The following TIAM2 variants were observed in gnomAD, a reference collection of about 807,000 sequenced individuals.
TIAM2 encodes rho guanine nucleotide exchange factor TIAM2.
A neutral mutation model predicts 152.9 loss-of-function variants in TIAM2; 80 were observed. The observed-to-expected ratio is 0.52, with a 90% CI of 0.44 to 0.63. The LOEUF (loss-of-function observed/expected upper bound fraction) is 0.63, where lower values mean the gene tolerates loss of function less well. Among genes scored for constraint, TIAM2 ranks in the 30% least tolerant of loss-of-function variants. The probability of loss-of-function intolerance (pLI) is 0.00; values close to 1 mark genes in which losing one functional copy is unlikely to be tolerated. For missense variants in TIAM2, 1,965 were observed against 2,120.1 expected (o/e 0.93, Z 1.44); for synonymous variants, 804 against 838.0 (o/e 0.96, Z 0.70).
intron 15 of TIAM2, among the ~76,000 whole-genome samples, chr6:155,220,943 T>A (rs1782020505): frequency 6.6e-6 from 1 of 151,854 alleles, no homozygotes. Flanking sequence ...CAGGCCCCGG[T>A]GTGTGATGTT....
chr6:155,009,365 G>A (rs940950249), intron 1 of TIAM2, among the ~76,000 whole-genome samples: 1 of 151,962 alleles, frequency 6.6e-6, no homozygotes, highest in Non-Finnish European at 1.5e-5. Context: ...GCCTCCCAAA[G>A]TTCTAGGATT....
At chr6:155,161,568 CTT>C (rs575970529) in intron 7 of TIAM2, among the ~76,000 whole-genome samples, 3 of 137,518 alleles carry the variant, frequency 2.2e-5, no homozygotes, top group Admixed American at 7.3e-5. Context: ...TTTATTTTGT[CTT>C]TTTTTTTTTT....
At chr6:155,053,844 C>T (rs1328014545) in intron 1 of TIAM2, among the ~76,000 whole-genome samples, 1 of 152,148 alleles carries the variant, frequency 6.6e-6, no homozygotes, top group Non-Finnish European at 1.5e-5. Context: ...TGCAAATAAC[C>T]TTGCCTGCTG....
chr6:155,144,474 C>T (rs747104637), intron 5 of TIAM2, 132 bp from the exon 6 acceptor site: 22 of 872,440 alleles, frequency 2.5e-5, no homozygotes, highest in African/African-American at 3.5e-5. Flanking sequence ...GCCACTTTTC[C>T]TTGTTTACCA....
intron 1 of TIAM2, among the ~76,000 whole-genome samples, chr6:155,067,485 A>C (rs922000759): frequency 6.6e-6 from 1 of 152,124 alleles, no homozygotes. Context: ...AGAAATCTGG[A>C]AAGTTCCCAC....
At chr6:155,045,357 C>A (rs1026157728) in intron 1 of TIAM2, among the ~76,000 whole-genome samples, 1 of 151,834 alleles carries the variant, frequency 6.6e-6, no homozygotes, top group Non-Finnish European at 1.5e-5. Flanking sequence ...CCACCACGCC[C>A]GGCAGAAAGC....
At chr6:155,219,870 A>G (rs1781983017) in intron 15 of TIAM2, among the ~76,000 whole-genome samples, 1 of 151,866 alleles carries the variant, frequency 6.6e-6, no homozygotes, top group African/African-American at 2.4e-5. Flanking sequence ...GTCAACAGGA[A>G]AAACAGGAAA....
At chr6:155,194,186 C>T (rs912465116) in intron 14 of TIAM2, among the ~76,000 whole-genome samples, 4 of 152,086 alleles carry the variant, frequency 2.6e-5, no homozygotes, top group South Asian at 2.1e-4. Context: ...GCAGAGAAGC[C>T]GGGAGGAGGC....
chr6:155,222,390 C>T (rs1782077890), intron 15 of TIAM2, among the ~76,000 whole-genome samples: 1 of 151,696 alleles, frequency 6.6e-6, no homozygotes, highest in African/African-American at 2.4e-5. Flanking sequence ...CACTTGAGGC[C>T]AGGAGCTCAA....
intron 2 of TIAM2, among the ~76,000 whole-genome samples, chr6:155,107,574 G>A: frequency 6.6e-6 from 1 of 152,186 alleles, no homozygotes; most frequent in East Asian, 1.9e-4. Context: ...GGCAGAGATT[G>A]TATTTTGCAG....
intron 1 of TIAM2, among the ~76,000 whole-genome samples, chr6:155,003,215 C>T (rs113568102): frequency 3.4e-5 from 5 of 148,400 alleles, no homozygotes; most frequent in African/African-American, 1.1e-4. Flanking sequence ...AAGGTTGATC[C>T]GTTTTTTTCC....
At chr6:155,253,151 C>T in intron 24 of TIAM2, 98 bp downstream of exon 24, 2 of 1,028,798 alleles carry the variant, frequency 1.9e-6, no homozygotes, top group Non-Finnish European at 2.9e-6. Context: ...ATTTTTGGTG[C>T]CTTTTATTTT....
At chr6:155,169,399 T>C (rs990532586) in intron 9 of TIAM2, among the ~76,000 whole-genome samples, 2 of 152,242 alleles carry the variant, frequency 1.3e-5, no homozygotes, top group African/African-American at 4.8e-5. Context: ...TCTAAAGAGA[T>C]AGTCTTGAAT....
In TIAM2 at chr6:155,004,887, G is replaced by A. The variant is rs915026467; in HGVS notation, c.-209+9395G>A. 1.9e-5 allele frequency: 3 copies of A among 159,236 alleles called. No homozygotes were observed. The Admixed American group carries it at 1.9e-4, about 10-fold the overall frequency. 9.9% of individuals were successfully genotyped at this position (159,236 alleles called of 1,614,324 possible). A position where few individuals can be genotyped will look rare whatever the true frequency, so the allele number is the denominator to read the frequency against. The stretch of plus-strand genomic sequence containing the variant: ...GTGCCCAAGATGGATTTATAGAGTG[G>A]GGAGAGGTCGCTGAGGTGGGCACAC... On this transcript the variant is annotated intron_variant, in intron 1 of 26. Transcript: ENST00000682666.
At chr6:155,235,224 A>C (rs1422447896) in intron 15 of TIAM2, among the ~76,000 whole-genome samples, 2 of 152,242 alleles carry the variant, frequency 1.3e-5, no homozygotes, top group Non-Finnish European at 2.9e-5. Flanking sequence ...CTGCTCGGCA[A>C]ACACGAGTTT....
rs755728303 is a variant in TIAM2 at position 155,253,090 on chromosome 6, T to C, written c.4225+37T>C. 5 of 1,536,944 alleles carry C rather than the reference T, an allele frequency of 3.3e-6. No individual in the cohort carries two copies. The South Asian group carries it at 5.7e-5, about 17-fold the overall frequency. On this transcript the variant is annotated intron_variant, in intron 24 of 26. Coordinates refer to ENST00000682666, the MANE Select transcript of TIAM2 (RefSeq NM_012454.4). ...GTGCAGTATGATGCCAGAAAAAGCA[T>C]TTTAGTAGACTTAACTGTGGAATGT...
At chr6:154,998,859 C>T (rs1056359033) in intron 1 of TIAM2, among the ~76,000 whole-genome samples, 1 of 152,182 alleles carries the variant, frequency 6.6e-6, no homozygotes, top group African/African-American at 2.4e-5. Flanking sequence ...CCTATAAGAA[C>T]AGCCTTCTGT....
chr6:155,228,229 G>T (rs2115260388), intron 15 of TIAM2, among the ~76,000 whole-genome samples: 1 of 152,306 alleles, frequency 6.6e-6, no homozygotes, highest in African/African-American at 2.4e-5. Flanking sequence ...TTTGTCCTCA[G>T]TTTTCTGTAG....
At chr6:155,008,256 T>G (rs17637814) in intron 1 of TIAM2, among the ~76,000 whole-genome samples, 8,236 of 152,322 alleles carry the variant, frequency 0.054, 233 homozygotes, top group Middle Eastern at 0.1. Flanking sequence ...TCATTTGGCA[T>G]TCTTAAAATT....
Sources: allele counts gnomAD v4.1 joint callset (sites outside exome capture counted in the v4.1 genomes callset), GRCh38; gene constraint gnomAD v4.1.1; transcripts MANE v1.5; gene names NCBI Gene and HGNC (gene_info 2026-07-23, HGNC 2026-07-21).